The following MGMT variants were observed in gnomAD, a reference collection of about 807,000 sequenced individuals.
MGMT encodes methylated-DNA--protein-cysteine methyltransferase.
A neutral mutation model predicts 15.9 loss-of-function variants in MGMT; 14 were observed. The ratio of observed to expected loss-of-function variants is 0.88; its 90% CI spans 0.58 to 1.37. The LOEUF is 1.37. Among genes scored for constraint, MGMT ranks in the 40% most tolerant of loss-of-function variants. The pLI is 0.00. For synonymous variants in MGMT, 130 were observed against 118.2 expected (o/e 1.10, Z -0.65); for missense variants, 282 against 268.1 (o/e 1.05, Z -0.36).
chr10:129,469,277 A>C (rs184635450), intron 1 of MGMT, among the ~76,000 whole-genome samples: 2 of 152,318 alleles, frequency 1.3e-5, no homozygotes, highest in East Asian at 3.9e-4. Flanking sequence ...TAATAAAATA[A>C]AGTTACTAAA....
chr10:129,657,969 T>C (rs1847551737), intron 2 of MGMT, among the ~76,000 whole-genome samples: 1 of 152,134 alleles, frequency 6.6e-6, no homozygotes, highest in Non-Finnish European at 1.5e-5. Context: ...TTCTCGTAAA[T>C]GTATATTTAA....
intron 2 of MGMT, among the ~76,000 whole-genome samples, chr10:129,706,640 A>G (rs181017792): frequency 1.1e-4 from 17 of 152,292 alleles, no homozygotes; most frequent in African/African-American, 3.6e-4. Context: ...GGAAGGAAGG[A>G]AGGGAGTCAC....
intron 2 of MGMT, among the ~76,000 whole-genome samples, chr10:129,585,836 A>G (rs1309878849): frequency 6.6e-6 from 1 of 152,160 alleles, no homozygotes; most frequent in South Asian, 2.1e-4. Flanking sequence ...AAACTAGCCC[A>G]GTGAGATTAA....
chr10:129,578,017 A>G (rs575816853), intron 2 of MGMT, among the ~76,000 whole-genome samples: 114 of 152,340 alleles, frequency 7.5e-4, no homozygotes, highest in Non-Finnish European at 1.2e-3. Flanking sequence ...GGCAATCATT[A>G]AAAAGTCAGG....
At position 129,596,468 on chromosome 10, in the gene MGMT, G is replaced by A. The variant is rs551747002; in HGVS notation, c.125+60091G>A. Among the ~76,000 whole-genome samples, 7 of 152,156 alleles carry A rather than the reference G, an allele frequency of 4.6e-5. No homozygotes were observed. In the South Asian group the frequency reaches 1.0e-3, roughly 23 times the overall value. The stretch of plus-strand genomic sequence containing the variant: ...GACCCAACATGCACACCCTTCCTTC[G>A]GGATGTATCACCAAGATGAAGGCGG... On this transcript the variant is annotated intron_variant, in intron 2 of 4. Transcript: ENST00000651593.
At chr10:129,474,763 A>G (rs11016805) in intron 1 of MGMT, among the ~76,000 whole-genome samples, 8,790 of 152,190 alleles carry the variant, frequency 0.058, 837 homozygotes, top group African/African-American at 0.2. Flanking sequence ...AATTAGAAAT[A>G]GTGTGTGCTG....
chr10:129,533,396 A>C lies in MGMT; in HGVS notation c.-12-2845A>C, dbSNP rs1845953121. ...ATCCCCACCTGAGTCTGGAGCCCTGAGCCCAGGCCTCCTGACTCCGACAGC... is the reference window on the plus strand; with the variant it reads ...ATCCCCACCTGAGTCTGGAGCCCTGCGCCCAGGCCTCCTGACTCCGACAGC... On this transcript the variant is annotated intron_variant, in intron 1 of 4. Transcript: ENST00000651593. The surrounding 1 kb of genome is among the most constrained non-coding windows in gnomAD (Gnocchi z 4.5). Among the ~76,000 whole-genome samples, 1 of 152,144 alleles carries C rather than the reference A, an allele frequency of 6.6e-6. No individual in the cohort carries two copies. The highest frequency in any genetic ancestry group is 2.1e-4 in the South Asian group (1 of 4,816).
In MGMT at chr10:129,559,721, G is replaced by A. The variant is rs558235032; in HGVS notation, c.125+23344G>A. ...GAATGTTTCAGAAAACTGAATAAGA[G>A]TAAAGTTTTTTAAATTTATGATTGA... On this transcript the variant is annotated intron_variant, in intron 2 of 4. Transcript: ENST00000651593. Among the ~76,000 whole-genome samples, 150 of 152,268 alleles carry A rather than the reference G, an allele frequency of 9.9e-4. 1 individual carries two copies. The highest frequency in any genetic ancestry group is 3.5e-3 in the African/African-American group (145 of 41,548).
At chr10:129,508,016 C>T (rs1019940989) in intron 1 of MGMT, among the ~76,000 whole-genome samples, 2 of 152,164 alleles carry the variant, frequency 1.3e-5, no homozygotes, top group African/African-American at 4.8e-5. Flanking sequence ...TGTTCTGTGA[C>T]ATTTTTGTTT....
intron 1 of MGMT, among the ~76,000 whole-genome samples, chr10:129,484,344 C>T (rs950881917): frequency 6.6e-6 from 1 of 152,120 alleles, no homozygotes; most frequent in South Asian, 2.1e-4. Context: ...GTTTAAAAAA[C>T]GTTATTTTCT....
intron 2 of MGMT, among the ~76,000 whole-genome samples, chr10:129,553,537 G>A (rs900274145): frequency 1.3e-5 from 2 of 152,196 alleles, no homozygotes; most frequent in Non-Finnish European, 2.9e-5. Context: ...TTCAACAAAG[G>A]AATGAATTAA....
intron 2 of MGMT, among the ~76,000 whole-genome samples, chr10:129,656,122 T>G (rs1278538074): frequency 6.6e-6 from 1 of 151,614 alleles, no homozygotes; most frequent in East Asian, 1.9e-4. Flanking sequence ...CAAGGAGAGG[T>G]GAGGTAGTTG....
chr10:129,645,118 CTTTT>C (rs10606297), intron 2 of MGMT, among the ~76,000 whole-genome samples: 3 of 121,932 alleles, frequency 2.5e-5, no homozygotes, highest in Non-Finnish European at 1.7e-5. Flanking sequence ...CCTGAAAGCC[CTTTT>C]TTTTTTTTTT....
intron 3 of MGMT, among the ~76,000 whole-genome samples, chr10:129,745,750 AT>A (rs1415741306): frequency 6.6e-6 from 1 of 151,582 alleles, no homozygotes; most frequent in African/African-American, 2.4e-5. Context: ...ACCCCTCCTT[AT>A]ATCCTCTTTG....
intron 2 of MGMT, among the ~76,000 whole-genome samples, chr10:129,702,423 G>A (rs764591228): frequency 6.6e-6 from 1 of 152,170 alleles, no homozygotes; most frequent in Admixed American, 6.5e-5. Context: ...ATTTGCCTCG[G>A]GATTATTCTG....
intron 1 of MGMT, among the ~76,000 whole-genome samples, chr10:129,469,294 G>T (rs1013113543): frequency 6.6e-6 from 1 of 152,088 alleles, no homozygotes; most frequent in Non-Finnish European, 1.5e-5. Flanking sequence ...TAAATTGTCT[G>T]TTCTGTTTTG....
chr10:129,569,316 G>A (rs1846391105), intron 2 of MGMT, among the ~76,000 whole-genome samples: 1 of 152,224 alleles, frequency 6.6e-6, no homozygotes, highest in African/African-American at 2.4e-5. Context: ...TGGAAATAGT[G>A]ACAACAGTAG....
At chr10:129,704,009 T>C (rs1279140042) in intron 2 of MGMT, among the ~76,000 whole-genome samples, 2 of 152,142 alleles carry the variant, frequency 1.3e-5, no homozygotes, top group Non-Finnish European at 2.9e-5. Flanking sequence ...TAACCCTCAC[T>C]GCACAGGGCT....
At chr10:129,674,825 A>G (rs1305350021) in intron 2 of MGMT, among the ~76,000 whole-genome samples, 1 of 152,156 alleles carries the variant, frequency 6.6e-6, no homozygotes, top group Non-Finnish European at 1.5e-5. Context: ...GGTCCGTGCT[A>G]GGAACACAGC....
Sources: allele counts gnomAD v4.1 joint callset (sites outside exome capture counted in the v4.1 genomes callset), GRCh38; gene constraint gnomAD v4.1.1; non-coding constraint Gnocchi (gnomAD v3.1); transcripts MANE v1.5; gene names NCBI Gene and HGNC (gene_info 2026-07-23, HGNC 2026-07-21).